The following PQBP1 variants were observed in gnomAD, a reference collection of about 807,000 sequenced individuals.
PQBP1 encodes the protein polyglutamine binding protein 1.
PQBP1 carries 3 observed loss-of-function variants against 20.9 expected under a neutral mutation model. The ratio of observed to expected loss-of-function variants is 0.14; its 90% confidence interval spans 0.07 to 0.37. PQBP1 has a LOEUF of 0.37. Ranked by LOEUF, PQBP1 falls within the 10% of genes least tolerant of loss-of-function variation. The pLI is 1.00. For missense variants in PQBP1, 162 were observed against 240.3 expected (o/e 0.67, Z 2.16); for synonymous variants, 83 against 93.8 (o/e 0.88, Z 0.67).
In PQBP1 at chrX:48,897,998, G is replaced by C. The variant is rs2063333980; in HGVS notation, c.-103G>C. On this transcript the variant is annotated 5_prime_UTR_variant, in exon 1 of 7. Transcript: ENST00000447146. The stretch of plus-strand genomic sequence containing the variant: ...GGTCTCATTCGGTGTTTTGGGAAGA[G>C]AGTCGTGTGGGCCCAGGTATCGTAG... The C allele has an allele frequency of 2.1e-6, 2 of 964,956 alleles. No homozygotes were observed. Among genetic ancestry groups the C allele is most frequent in the East Asian group, 3.5e-5 (1 of 28,520 alleles). 79.5% of individuals were successfully genotyped at this position (964,956 alleles called of 1,213,427 possible).
chrX:48,902,525 G>T lies in PQBP1; in HGVS notation c.577+8G>T. ...ATCCCAAGAGCAAGAAGGGTAAGCT[G>T]GGCAGAATGGGGCTCGGTGAGACCA... On this transcript the variant is annotated splice_region_variant and intron_variant, in intron 5 of 6. Transcript: ENST00000447146. 1 of 1,200,205 alleles carries T rather than the reference G, an allele frequency of 8.3e-7. No homozygotes were observed. Among genetic ancestry groups the T allele is most frequent in the Non-Finnish European group, 1.1e-6 (1 of 890,559 alleles).
In PQBP1 at chrX:48,901,175, A is replaced by G; in HGVS notation, c.68-15A>G. On this transcript the variant is annotated splice_polypyrimidine_tract_variant and intron_variant, in intron 2 of 6. Coordinates refer to ENST00000447146, the MANE Select transcript of PQBP1 (RefSeq NM_001032382.2). ...GTCCTTATCTGCTCTCCTCATCCCC[A>G]CCTTGTTCTACCAGAACCAGAGGAA... 3.3e-6 allele frequency: 4 copies of G among 1,203,436 alleles called. No homozygotes were observed. The highest frequency in any genetic ancestry group is 3.4e-6 in the Non-Finnish European group (3 of 891,406).
intron 2 of PQBP1, among the ~76,000 whole-genome samples, chrX:48,899,695 G>A (rs2063372974): frequency 8.9e-6 from 1 of 111,910 alleles, no homozygotes; most frequent in South Asian, 3.6e-4. Flanking sequence ...TGGGGGTGAT[G>A]ACATAGTATC....
Position 48,902,017 on chromosome X carries a change from C to T in PQBP1, c.267C>T (p.Ala89=), listed in dbSNP as rs139730174. ...HDPNSVVTKS[A]KKLRSSNADA... ...CCAACTCCGTGGTTACCAAATCGGCCAAGAAGCTCAGAAGCAGTAATGCAG... is the reference window on the plus strand; with the variant it reads ...CCAACTCCGTGGTTACCAAATCGGCTAAGAAGCTCAGAAGCAGTAATGCAG... The change falls in exon 4 of 7, where the codon GCC becomes GCT. Residue 89 remains alanine, a synonymous_variant. Coordinates refer to ENST00000447146, the MANE Select transcript of PQBP1 (RefSeq NM_001032382.2). The T allele has an allele frequency of 2.4e-4, 289 of 1,209,820 alleles. 2 individuals carry two copies. The East Asian group carries it at 7.7e-3, about 32-fold the overall frequency.
chrX:48,900,713 T>G (rs1417397855), intron 2 of PQBP1, among the ~76,000 whole-genome samples: 1 of 110,033 alleles, frequency 9.1e-6, no homozygotes, highest in Non-Finnish European at 1.9e-5. Flanking sequence ...TGTGCCACTG[T>G]GCCCAGCTAA....
chrX:48,902,607 TG>T, intron 5 of PQBP1, 90 bp downstream of exon 5: 1 of 1,159,748 alleles, frequency 8.6e-7, no homozygotes, highest in Non-Finnish European at 1.2e-6. Context: ...TGCCTGGACC[TG>T]GGGCTAGAGG....
rs782446555 is a variant in PQBP1, at chrX:48,902,055, G to T, written c.292+13G>T. 3.8e-5 allele frequency: 46 copies of T among 1,209,466 alleles called. No individual in the cohort carries two copies. Among genetic ancestry groups the T allele is most frequent in the Non-Finnish European group, 4.7e-5 (42 of 895,195 alleles). On this transcript the variant is annotated intron_variant, in intron 4 of 6. Transcript: ENST00000447146. The stretch of plus-strand genomic sequence containing the variant: ...AGCAGTAATGCAGGTGAGTTGGCAG[G>T]TACAAGCGTGCCTTGAGTGATCTTA...
rs606231193 is a variant in PQBP1 at position 48,902,390 on chromosome X, CAGAG to C, written c.459_462del (p.Arg153SerfsTer41). The C allele has an allele frequency of 8.3e-7, 1 of 1,208,095 alleles. No individual in the cohort carries two copies. Among genetic ancestry groups the C allele is most frequent in the Non-Finnish European group, 1.1e-6 (1 of 893,758 alleles). On this transcript the variant is annotated frameshift_variant, in exon 5 of 7. Transcript: ENST00000447146. LOFTEE classifies it high-confidence loss of function. The stretch of plus-strand genomic sequence containing the variant: ...GAGAGCGTGGCTATGACAAGGTAGA[CAGAG>C]AGAGAGAGCGAGACAGGGAACGGGA...
At position 48,897,954 on chromosome X, in the gene PQBP1, G is replaced by T; in HGVS notation, c.-147G>T. ...CCAGTTACTTTCAGGCTCGGGGAGT[G>T]AAGGCCTCGTTGAGAGAAGGTCTCA... On this transcript the variant is annotated 5_prime_UTR_variant, in exon 1 of 7. Transcript: ENST00000447146. 2 of 882,511 alleles carry T rather than the reference G, an allele frequency of 2.3e-6. No homozygotes were observed. The highest frequency in any genetic ancestry group is 2.9e-4 in the Middle Eastern group (1 of 3,468). The allele number at this position is 882,511 out of a possible 1,213,427, so 72.7% of individuals were successfully genotyped here. A position where few individuals can be genotyped will look rare whatever the true frequency, so the allele number is the denominator to read the frequency against.
chrX:48,901,895 A>G, intron 3 of PQBP1, 35 bp from the exon 4 acceptor site: 2 of 1,210,579 alleles, frequency 1.7e-6, no homozygotes, highest in Non-Finnish European at 2.2e-6. Flanking sequence ...AGGCAAGGAC[A>G]TCTGTGCTGA....
rs967356754 is a variant in PQBP1, at chrX:48,902,032, C to T, written c.282C>T (p.Ser94=). Residue 94 remains serine (S), a synonymous_variant, in exon 4 of 7, where the codon AGC becomes AGT. Transcript: ENST00000447146. ...CCAAATCGGCCAAGAAGCTCAGAAG[C>T]AGTAATGCAGGTGAGTTGGCAGGTA... ...VVTKSAKKLR[S]SNADAEEKLD... is the part of the protein sequence containing the mutation. 2 of 1,211,636 alleles carry T rather than the reference C, an allele frequency of 1.7e-6. No individual in the cohort carries two copies. Among genetic ancestry groups the T allele is most frequent in the Admixed American group, 2.2e-5 (1 of 45,988 alleles).
chrX:48,902,662 G>A, intron 5 of PQBP1, 70 bp from the exon 6 acceptor site: 2 of 1,157,156 alleles, frequency 1.7e-6, no homozygotes, highest in Non-Finnish European at 2.3e-6. Flanking sequence ...ATTTCTTCTT[G>A]TGGGGTGGGG....
chrX:48,898,270 C>CT, intron 1 of PQBP1, 188 bp downstream of exon 1: 1 of 710,153 alleles, frequency 1.4e-6, no homozygotes, highest in Non-Finnish European at 2.2e-6. Context: ...GAACAGGGCC[C>CT]TGGAGCACCT....
intron 5 of PQBP1, 38 bp downstream of exon 5, chrX:48,902,555 G>A: frequency 8.4e-7 from 1 of 1,189,590 alleles, no homozygotes; most frequent in Admixed American, 2.4e-5. Flanking sequence ...AGACCAACAA[G>A]GTGCAGGGTG....
At chrX:48,899,436 C>T (rs782590393) in intron 2 of PQBP1, among the ~76,000 whole-genome samples, 30 of 111,181 alleles carry the variant, frequency 2.7e-4, no homozygotes, top group Admixed American at 8.6e-4. Flanking sequence ...ACAAAAAATA[C>T]AAAAATTAAT....
intron 2 of PQBP1, among the ~76,000 whole-genome samples, chrX:48,899,044 C>T (rs1557040400): frequency 9.9e-6 from 1 of 101,348 alleles, no homozygotes; most frequent in Non-Finnish European, 2.0e-5. Flanking sequence ...GTGGCGTGAT[C>T]TCGTCTCACT....
chrX:48,901,902 C>T (rs782101664), intron 3 of PQBP1, 28 bp from the exon 4 acceptor site: 1 of 1,210,881 alleles, frequency 8.3e-7, no homozygotes, highest in Admixed American at 2.2e-5. Context: ...GACATCTGTG[C>T]TGACACTTCT....
At chrX:48,898,394 G>A (rs782015230) in intron 1 of PQBP1, 98 bp from the exon 2 acceptor site, 4 of 751,982 alleles carry the variant, frequency 5.3e-6, no homozygotes, top group South Asian at 4.4e-5. Context: ...GAGTAGATCG[G>A]AGTCAGATGA....
At chrX:48,900,176 G>A (rs950058383) in intron 2 of PQBP1, among the ~76,000 whole-genome samples, 6 of 107,337 alleles carry the variant, frequency 5.6e-5, no homozygotes, top group Non-Finnish European at 9.7e-5. Flanking sequence ...GTGTGAACCC[G>A]GAAGGCGGAG....
Sources: allele counts gnomAD v4.1 joint callset (sites outside exome capture counted in the v4.1 genomes callset), GRCh38; gene constraint gnomAD v4.1.1; transcripts MANE v1.5; gene names NCBI Gene and HGNC (gene_info 2026-07-23, HGNC 2026-07-21).